Variants in KMT2A observed in about 807,000 individuals in gnomAD.
KMT2A encodes histone-lysine N-methyltransferase 2A.
KMT2A carries 16 observed loss-of-function variants against 345.3 expected under a neutral mutation model. That is an observed-to-expected ratio of 0.05 (90% CI 0.03 to 0.07). The LOEUF (loss-of-function observed/expected upper bound fraction) is 0.07, where lower values mean the gene tolerates loss of function less well. Ranked by LOEUF, KMT2A falls within the 10% of genes least tolerant of loss-of-function variation. KMT2A has a pLI of 1.00. For missense variants in KMT2A, 3,272 were observed against 4,841.6 expected (o/e 0.68, Z 9.62); for synonymous variants, 1,599 against 1,778.6 (o/e 0.90, Z 2.54).
Position 118,490,742 on chromosome 11 carries a change from T to C in KMT2A, c.4697-454T>C, listed in dbSNP as rs1950311671. Among the ~76,000 whole-genome samples, 1 of 152,166 alleles carries C rather than the reference T, an allele frequency of 6.6e-6. No individual in the cohort carries two copies. Among genetic ancestry groups the C allele is most frequent in the Non-Finnish European group, 1.5e-5 (1 of 68,004 alleles). On this transcript the variant is annotated intron_variant, in intron 13 of 35. Coordinates refer to ENST00000534358, the MANE Select transcript of KMT2A (RefSeq NM_001197104.2). The surrounding 1 kb of genome is among the most constrained non-coding windows in gnomAD (Gnocchi z 4.2). ...GATCTCTGTATATAAAGAAAATTTA[T>C]GAAGGTTATACAGAGTACTGAATCT...
In KMT2A at chr11:118,526,195, A is replaced by G. The variant is rs1479162016; in HGVS notation, c.*4023A>G. Reference sequence around the variant, plus strand: ...TAGAACAGTCCATTCCTCGGATCAGAGAAAAATGCAGACATGGTGTCACCT... The same window carrying G: ...TAGAACAGTCCATTCCTCGGATCAGGGAAAAATGCAGACATGGTGTCACCT... On this transcript the variant is annotated 3_prime_UTR_variant, in exon 36 of 36. Coordinates refer to ENST00000534358, the MANE Select transcript of KMT2A (RefSeq NM_001197104.2). 4.6e-6 allele frequency: 1 copy of G among 216,452 alleles called. No homozygotes were observed. The highest frequency in any genetic ancestry group is 6.9e-5 in the East Asian group (1 of 14,510). The allele number at this position is 216,452 out of a possible 1,614,324, so 13.4% of individuals were successfully genotyped here. A position where few individuals can be genotyped will look rare whatever the true frequency, so the allele number is the denominator to read the frequency against.
chr11:118,469,751 T>C (rs1394882340), intron 2 of KMT2A, among the ~76,000 whole-genome samples: 3 of 152,260 alleles, frequency 2.0e-5, no homozygotes, highest in African/African-American at 7.2e-5. Flanking sequence ...TTTCTGCTTT[T>C]TGACATTGAC....
At position 118,493,221 on chromosome 11, in the gene KMT2A, C is replaced by T; in HGVS notation, c.5169C>T (p.Tyr1723=). Residue 1723 remains tyrosine, a synonymous_variant, in exon 16 of 36, where the codon TAC becomes TAT. Coordinates refer to ENST00000534358, the MANE Select transcript of KMT2A (RefSeq NM_001197104.2). This position sits in a 1 kb window ranked among gnomAD's most constrained non-coding sequence, Gnocchi z 5.8. ...GVKRKMDQGN[Y]TSVLEFSDDI... ...AGAGGAAGATGGACCAAGGGAATTA[C>T]ACATCTGTGGTATGTTTCTACAGTG... 1.2e-6 allele frequency: 2 copies of T among 1,613,962 alleles called. No individual in the cohort carries two copies. The highest frequency in any genetic ancestry group is 1.7e-6 in the Non-Finnish European group (2 of 1,179,854).
chr11:118,484,299 C>A lies in KMT2A; in HGVS notation c.4203C>A (p.Ile1401=), dbSNP rs368395489. ...QKIPADGVHR[I]RVDFKEDCEA... ...TTCCAGCAGATGGAGTCCACAGGAT[C>A]AGAGTGGACTTTAAGGTAAAGGTGT... The change falls in exon 9 of 36, where the codon ATC becomes ATA. Residue 1401 remains isoleucine (I), a synonymous_variant. Transcript: ENST00000534358. The surrounding 1 kb of genome is among the most constrained non-coding windows in gnomAD (Gnocchi z 4.1). 224 of 1,613,852 alleles carry A rather than the reference C, an allele frequency of 1.4e-4. No individual in the cohort carries two copies. Among genetic ancestry groups the A allele is most frequent in the Non-Finnish European group, 1.8e-4 (218 of 1,179,898 alleles).
At chr11:118,470,840 T>C (rs1242279517) in intron 2 of KMT2A, among the ~76,000 whole-genome samples, 1 of 152,230 alleles carries the variant, frequency 6.6e-6, no homozygotes, top group Non-Finnish European at 1.5e-5. Flanking sequence ...CAGTCTTGTT[T>C]TCTTGAATGG....
intron 10 of KMT2A, chr11:118,488,373 TCTTG>T (rs753637509): frequency 2.7e-4 from 140 of 516,238 alleles, no homozygotes; most frequent in Non-Finnish European, 4.3e-4. Context: ...TTCTGTTAAA[TCTTG>T]TATTATATTT....
At chr11:118,458,266 G>A (rs1254938884) in intron 1 of KMT2A, 2 of 271,994 alleles carry the variant, frequency 7.4e-6, no homozygotes, top group African/African-American at 4.6e-5. Flanking sequence ...ATTTTTTATA[G>A]AAAGAGGGTT....
chr11:118,504,201 T>C lies in KMT2A; in HGVS notation c.8309T>C (p.Val2770Ala), dbSNP rs782397511. The C allele has an allele frequency of 8.1e-6, 13 of 1,614,132 alleles. No homozygotes were observed. The Admixed American group carries it at 2.2e-4, about 27-fold the overall frequency. ...RPEDAGEKEH[V>A]TKSSVGHKNE... The stretch of plus-strand genomic sequence containing the variant: ...GAAGATGCTGGGGAGAAAGAACATG[T>C]CACTAAGAGTTCTGTTGGCCACAAA... Residue 2770 changes from valine to alanine, a missense_variant, in exon 27 of 36, where the codon GTC (valine) becomes GCC (alanine). By Grantham distance (64) the Val-to-Ala change is moderately conservative. Around this residue, in one of 27 missense-constraint regions of KMT2A, gnomAD observed 100 missense variants for 101.3 expected, o/e 0.99. Transcript: ENST00000534358. The surrounding 1 kb of genome is among the most constrained non-coding windows in gnomAD (Gnocchi z 6.4).
intron 1 of KMT2A, chr11:118,438,982 A>G (rs1949257703): frequency 2.1e-6 from 1 of 465,276 alleles, no homozygotes; most frequent in Non-Finnish European, 4.3e-6. Flanking sequence ...GTTGCTGTAG[A>G]TTATTATTTT....
At position 118,502,506 on chromosome 11, in the gene KMT2A, C is replaced by T. The variant is rs1456050279; in HGVS notation, c.6614C>T (p.Pro2205Leu). The change falls in exon 27 of 36, where the codon CCC becomes CTC. Residue 2205 changes from proline (P) to leucine (L), a missense_variant. This residue lies in a region of KMT2A where 445 missense variants were observed against 500.9 expected (regional missense o/e 0.89). Coordinates refer to ENST00000534358, the MANE Select transcript of KMT2A (RefSeq NM_001197104.2). This position sits in a 1 kb window ranked among gnomAD's most constrained non-coding sequence, Gnocchi z 4.9. Reference protein sequence around the residue: ...SRRHSTSSLSPQRSKLRIMSP... With the variant: ...SRRHSTSSLSLQRSKLRIMSP... ...CGTCACAGTACCTCTTCCTTATCAC[C>T]CCAGCGGTCCAAACTCCGGATAATG... The T allele has an allele frequency of 1.2e-6, 2 of 1,614,064 alleles. No homozygotes were observed. The highest frequency in any genetic ancestry group is 1.7e-6 in the Non-Finnish European group (2 of 1,180,004).
chr11:118,486,722 A>T (rs1463249086), intron 10 of KMT2A, among the ~76,000 whole-genome samples: 5 of 151,904 alleles, frequency 3.3e-5, no homozygotes, highest in Non-Finnish European at 4.4e-5. Flanking sequence ...AAAAAAAAAT[A>T]AAATACCAGG....
chr11:118,456,485 C>A (rs1040703957), intron 1 of KMT2A, among the ~76,000 whole-genome samples: 8 of 151,972 alleles, frequency 5.3e-5, no homozygotes, highest in Non-Finnish European at 1.2e-4. Context: ...ATTACAGGCA[C>A]CTGCCACCAC....
intron 6 of KMT2A, among the ~76,000 whole-genome samples, chr11:118,481,081 T>C (rs1950123167): frequency 6.6e-6 from 1 of 152,244 alleles, no homozygotes; most frequent in Admixed American, 6.5e-5. Context: ...ATTTATTCTT[T>C]GTGTTACAAA....
chr11:118,439,158 C>CAAAAAAAAAAAAAAGAAA, intron 1 of KMT2A: 5 of 265,448 alleles, frequency 1.9e-5, no homozygotes, highest in South Asian at 7.4e-5. Flanking sequence ...GATACAGCAG[C>CAAAAAAAAAAAAAAGAAA]AAAAAAAAAA....
intron 31 of KMT2A, among the ~76,000 whole-genome samples, chr11:118,517,683 T>C (rs1172901940): frequency 2.0e-5 from 3 of 151,026 alleles, no homozygotes; most frequent in African/African-American, 7.3e-5. Flanking sequence ...CCACAAGAAA[T>C]TTAAAAATTA....
At chr11:118,482,669 TG>T (rs1481828932) in intron 8 of KMT2A, among the ~76,000 whole-genome samples, 174 bp downstream of exon 8, 1 of 150,276 alleles carries the variant, frequency 6.7e-6, no homozygotes, top group Non-Finnish European at 1.5e-5. Flanking sequence ...CAACACTTAG[TG>T]AGGCTGAGGT....
Position 118,509,970 on chromosome 11 carries a change from G to A in KMT2A, c.10923G>A (p.Glu3641=), listed in dbSNP as rs1950654847. 1 of 1,610,892 alleles carries A rather than the reference G, an allele frequency of 6.2e-7. No homozygotes were observed. ...ESAEPKTVEE[E]ESNFSSPLML... is the part of the protein sequence containing the mutation. ...TAGAACCTAAAACAGTGGAAGAAGA[G>A]GAAAGTAATTTCAGCTCCCCACTGA... Residue 3641 remains glutamate (E), a synonymous_variant, in exon 30 of 36, where the codon GAG becomes GAA. Transcript: ENST00000534358.
intron 1 of KMT2A, among the ~76,000 whole-genome samples, chr11:118,463,134 TTTA>T (rs1555033214): frequency 1.3e-5 from 2 of 152,074 alleles, no homozygotes; most frequent in Non-Finnish European, 2.9e-5. Context: ...ATTTTTTTTT[TTTA>T]AATAAAGATG....
Position 118,520,677 on chromosome 11 carries a change from A to T in KMT2A, c.11430-125A>T. The stretch of plus-strand genomic sequence containing the variant: ...AAAAAAAAAGGGGGGCGCTCATTTT[A>T]TAAGGCACTCGTTCAGTTTGGCATT... On this transcript the variant is annotated intron_variant, in intron 33 of 35. Coordinates refer to ENST00000534358, the MANE Select transcript of KMT2A (RefSeq NM_001197104.2). The surrounding 1 kb of genome is among the most constrained non-coding windows in gnomAD (Gnocchi z 4.3). 1.4e-6 allele frequency: 1 copy of T among 690,144 alleles called. No homozygotes were observed. The highest frequency in any genetic ancestry group is 2.5e-6 in the Non-Finnish European group (1 of 397,422). The allele number at this position is 690,144 out of a possible 1,614,324, so 42.8% of individuals were successfully genotyped here.
Sources: allele counts gnomAD v4.1 joint callset (sites outside exome capture counted in the v4.1 genomes callset), GRCh38; gene constraint gnomAD v4.1.1; regional missense constraint gnomAD v4.1.1; non-coding constraint Gnocchi (gnomAD v3.1); transcripts MANE v1.5; gene names NCBI Gene and HGNC (gene_info 2026-07-23, HGNC 2026-07-21).